Variants in PTPRD observed in about 807,000 individuals in gnomAD.
The protein encoded by PTPRD is protein tyrosine phosphatase receptor type D.
In PTPRD, 34 loss-of-function variants were observed where a neutral mutation model predicts 214.5. That is an observed-to-expected ratio of 0.16 (90% CI 0.12 to 0.21). The LOEUF (loss-of-function observed/expected upper bound fraction) is 0.21. Among genes scored for constraint, PTPRD ranks in the 10% least tolerant of loss-of-function variants. PTPRD has a pLI of 1.00. For missense variants in PTPRD, 2,545 were observed against 2,398.7 expected (o/e 1.06, Z -1.27); for synonymous variants, 1,128 against 845.7 (o/e 1.33, Z -5.79).
chr9:8,736,702 CTT>C (rs35782310), intron 11 of PTPRD, among the ~76,000 whole-genome samples: 17 of 143,468 alleles, frequency 1.2e-4, no homozygotes, highest in African/African-American at 2.0e-4. Context: ...AGATAGTCTC[CTT>C]TTTTTTTTTT....
chr9:9,897,657 T>C (rs1023787259), intron 5 of PTPRD, among the ~76,000 whole-genome samples: 6 of 152,070 alleles, frequency 3.9e-5, no homozygotes, highest in African/African-American at 1.4e-4. Context: ...ACAATTTAAA[T>C]TATAGCTGTT....
intron 7 of PTPRD, among the ~76,000 whole-genome samples, chr9:9,691,637 A>T (rs532410071): frequency 6.6e-6 from 1 of 152,048 alleles, no homozygotes; most frequent in African/African-American, 2.4e-5. Context: ...TTGGGTTTAT[A>T]CTCAGCTTTG....
At chr9:9,490,010 G>A (rs1368260360) in intron 8 of PTPRD, among the ~76,000 whole-genome samples, 2 of 151,956 alleles carry the variant, frequency 1.3e-5, no homozygotes, top group African/African-American at 4.8e-5. Flanking sequence ...AGGAGCAAGA[G>A]AAAAGCAACT....
At chr9:10,140,597 G>C (rs2098977191) in intron 3 of PTPRD, among the ~76,000 whole-genome samples, 1 of 152,058 alleles carries the variant, frequency 6.6e-6, no homozygotes, top group Admixed American at 6.6e-5. Flanking sequence ...TGAAATTGTG[G>C]CAATAATCAA....
chr9:8,838,226 AAACACAT>A (rs2097480520), intron 11 of PTPRD, among the ~76,000 whole-genome samples: 1 of 151,956 alleles, frequency 6.6e-6, no homozygotes, highest in Non-Finnish European at 1.5e-5. Flanking sequence ...ACAGATCTTA[AAACACAT>A]AACGACTTCA....
intron 3 of PTPRD, among the ~76,000 whole-genome samples, chr9:10,181,257 T>A (rs927565814): frequency 2.6e-5 from 4 of 152,104 alleles, no homozygotes; most frequent in African/African-American, 7.2e-5. Context: ...ATGTAAGATA[T>A]CATTTGCAAT....
At chr9:8,763,936 T>C (rs531484426) in intron 11 of PTPRD, among the ~76,000 whole-genome samples, 8 of 152,350 alleles carry the variant, frequency 5.3e-5, no homozygotes, top group African/African-American at 1.9e-4. Context: ...AACTATTCTC[T>C]TGATAATTTA....
At chr9:8,694,741 T>C (rs2097873526) in intron 12 of PTPRD, among the ~76,000 whole-genome samples, 2 of 152,328 alleles carry the variant, frequency 1.3e-5, no homozygotes, top group African/African-American at 4.8e-5. Context: ...CTATTATTCA[T>C]GGGTGTTGGC....
At chr9:10,481,987 G>T (rs938778160) in intron 2 of PTPRD, among the ~76,000 whole-genome samples, 6 of 151,696 alleles carry the variant, frequency 4.0e-5, no homozygotes, top group African/African-American at 1.5e-4. Context: ...ACTTTCAGAG[G>T]GGTACAAAAT....
intron 3 of PTPRD, among the ~76,000 whole-genome samples, chr9:10,083,062 T>C (rs753169457): frequency 2.0e-5 from 3 of 151,918 alleles, no homozygotes; most frequent in Admixed American, 6.6e-5. Flanking sequence ...ATAAATCCCA[T>C]ATCTATAATG....
intron 9 of PTPRD, among the ~76,000 whole-genome samples, chr9:9,303,369 G>T (rs917763770): frequency 2.0e-5 from 3 of 152,030 alleles, no homozygotes; most frequent in Admixed American, 1.3e-4. Flanking sequence ...TTTGACTACA[G>T]TTGACAGTAG....
At chr9:10,302,937 C>T (rs936793188) in intron 3 of PTPRD, among the ~76,000 whole-genome samples, 1 of 152,186 alleles carries the variant, frequency 6.6e-6, no homozygotes, top group African/African-American at 2.4e-5. Flanking sequence ...GAACTCTCCA[C>T]CCCAAATCAA....
intron 2 of PTPRD, among the ~76,000 whole-genome samples, chr9:10,605,481 G>A (rs116432703): frequency 1.3e-5 from 2 of 151,864 alleles, no homozygotes; most frequent in African/African-American, 4.8e-5. Context: ...ACACACATAA[G>A]GAATTAGCAC....
At chr9:8,372,516 T>G (rs2081871860) in intron 39 of PTPRD, among the ~76,000 whole-genome samples, 1 of 152,060 alleles carries the variant, frequency 6.6e-6, no homozygotes, top group Admixed American at 6.6e-5. Context: ...ATACAGCCAG[T>G]AAGTAAACAA....
chr9:9,696,273 C>A (rs975211515), intron 7 of PTPRD, among the ~76,000 whole-genome samples: 1 of 152,110 alleles, frequency 6.6e-6, no homozygotes, highest in African/African-American at 2.4e-5. Flanking sequence ...AATGTGTATT[C>A]TGCAGCAATT....
chr9:10,481,781 A>G (rs2099099556), intron 2 of PTPRD, among the ~76,000 whole-genome samples: 1 of 152,200 alleles, frequency 6.6e-6, no homozygotes, highest in Non-Finnish European at 1.5e-5. Context: ...ACAAAACCGA[A>G]GAGCAGTAGC....
chr9:8,683,006 G>A (rs2097579878), intron 12 of PTPRD, among the ~76,000 whole-genome samples: 1 of 152,180 alleles, frequency 6.6e-6, no homozygotes, highest in Admixed American at 6.5e-5. Flanking sequence ...GGGTTCTAGA[G>A]AGATGAGTTT....
chr9:9,669,573 T>A (rs571863949), intron 7 of PTPRD, among the ~76,000 whole-genome samples: 1 of 152,278 alleles, frequency 6.6e-6, no homozygotes, highest in South Asian at 2.1e-4. Context: ...AAAAATGATG[T>A]TTTTAAACTT....
At chr9:9,338,978 C>G (rs1384532316) in intron 9 of PTPRD, among the ~76,000 whole-genome samples, 1 of 152,082 alleles carries the variant, frequency 6.6e-6, no homozygotes, top group Non-Finnish European at 1.5e-5. Flanking sequence ...AAGATTCCTG[C>G]TACTTTAAGG....
Sources: allele counts gnomAD v4.1 joint callset (sites outside exome capture counted in the v4.1 genomes callset), GRCh38; gene constraint gnomAD v4.1.1; transcripts MANE v1.5; gene names NCBI Gene and HGNC (gene_info 2026-07-23, HGNC 2026-07-21).